Variants in VCL observed in about 807,000 individuals in gnomAD.
VCL encodes vinculin, also known as epididymis luminal protein 114.
A neutral mutation model predicts 125.7 loss-of-function variants in VCL; 47 were observed. The observed-to-expected ratio is 0.37, with a 90% CI of 0.30 to 0.48. VCL has a LOEUF of 0.48. VCL is among the 20% of genes least tolerant of loss of function. The pLI, the probability that VCL is intolerant of heterozygous loss-of-function variation, is 0.99. For missense variants in VCL, 1,069 were observed against 1,455.5 expected, an observed-to-expected ratio of 0.73 and a Z score of 4.32; for synonymous variants, 458 against 514.6, an observed-to-expected ratio of 0.89 and a Z score of 1.49.
intron 1 of VCL, among the ~76,000 whole-genome samples, chr10:74,004,047 A>G (rs1202158840): frequency 2.0e-5 from 3 of 152,194 alleles, no homozygotes; most frequent in East Asian, 3.8e-4. Context: ...GGAGATCAGC[A>G]GTTAATTTTG....
chr10:74,107,201 A>C, intron 16 of VCL, 29 bp from the exon 17 acceptor site: 1 of 1,614,072 alleles, frequency 6.2e-7, no homozygotes, highest in Non-Finnish European at 8.5e-7. Flanking sequence ...TGACCCACCC[A>C]GCTGAAAGTG....
chr10:74,045,565 G>A (rs950729639), intron 2 of VCL, among the ~76,000 whole-genome samples: 1 of 150,244 alleles, frequency 6.7e-6, no homozygotes, highest in African/African-American at 2.4e-5. Flanking sequence ...GGAGGTTGCA[G>A]TGAGCCAAGA....
rs370882481 is a variant in VCL, at chr10:74,008,956, G to A, written c.168+10581G>A. 5.3e-5 allele frequency among the ~76,000 whole-genome samples: 8 copies of A among 152,298 alleles called. No homozygotes were observed. The East Asian group carries it at 1.5e-3, about 29-fold the overall frequency. On this transcript the variant is annotated intron_variant, in intron 1 of 21. Transcript: ENST00000211998. ...CAAACTTCTGCCTTGGCATTTTTAA[G>A]CTTCAACAACTTTCAGTGCTATATA...
intron 1 of VCL, among the ~76,000 whole-genome samples, chr10:74,042,644 G>T (rs1178395176): frequency 1.3e-5 from 2 of 152,156 alleles, no homozygotes; most frequent in African/African-American, 4.8e-5. Flanking sequence ...TCTAGTGTCA[G>T]AATCATAATA....
At chr10:74,025,578 C>G (rs1037869091) in intron 1 of VCL, among the ~76,000 whole-genome samples, 1 of 148,336 alleles carries the variant, frequency 6.7e-6, no homozygotes, top group African/African-American at 2.5e-5. Flanking sequence ...TGCCCCACTG[C>G]AGTCCAGCCT....
intron 1 of VCL, among the ~76,000 whole-genome samples, chr10:74,000,246 C>A (rs941508912): frequency 4.7e-5 from 7 of 148,648 alleles, no homozygotes; most frequent in African/African-American, 1.7e-4. Context: ...CGGGTCAAGG[C>A]CTTTGTATTT....
intron 6 of VCL, chr10:74,076,510 A>T (rs529148181): frequency 5.2e-5 from 8 of 152,774 alleles, no homozygotes; most frequent in African/African-American, 1.9e-4. Flanking sequence ...GGAGACTTCC[A>T]GCTGATGCTA....
At chr10:74,098,917 T>C (rs1367112418) in intron 13 of VCL, among the ~76,000 whole-genome samples, 2 of 152,304 alleles carry the variant, frequency 1.3e-5, no homozygotes, top group East Asian at 3.9e-4. Flanking sequence ...GTCCTTCTGT[T>C]CTCTCTCAGA....
chr10:74,025,061 T>C (rs1840746593), intron 1 of VCL, among the ~76,000 whole-genome samples: 1 of 152,190 alleles, frequency 6.6e-6, no homozygotes, highest in Non-Finnish European at 1.5e-5. Flanking sequence ...AGTCTTGCTC[T>C]GTCACCCAGG....
At chr10:74,022,670 C>T (rs1840695278) in intron 1 of VCL, among the ~76,000 whole-genome samples, 1 of 146,700 alleles carries the variant, frequency 6.8e-6, no homozygotes, top group Non-Finnish European at 1.5e-5. Flanking sequence ...GAGTTTCGTT[C>T]TTGTTGCCCA....
At chr10:74,093,512 G>GA (rs1231332905) in intron 10 of VCL, among the ~76,000 whole-genome samples, 2 of 152,162 alleles carry the variant, frequency 1.3e-5, no homozygotes, top group African/African-American at 2.4e-5. Flanking sequence ...GGCTGGGTGT[G>GA]GTAGGTCATG....
chr10:74,034,608 C>T (rs1222721459), intron 1 of VCL, among the ~76,000 whole-genome samples: 1 of 152,234 alleles, frequency 6.6e-6, no homozygotes, highest in Non-Finnish European at 1.5e-5. Flanking sequence ...ACTTTTGTAT[C>T]CCCATCACAC....
chr10:74,014,035 T>C (rs1030225512), intron 1 of VCL, among the ~76,000 whole-genome samples: 3 of 152,216 alleles, frequency 2.0e-5, no homozygotes, highest in African/African-American at 4.8e-5. Flanking sequence ...ATCACAGTTT[T>C]AGGTGCTTGA....
intron 16 of VCL, among the ~76,000 whole-genome samples, chr10:74,106,808 G>C (rs1292793516): frequency 1.3e-5 from 2 of 152,246 alleles, no homozygotes; most frequent in African/African-American, 4.8e-5. Context: ...GCCAAGGACA[G>C]CAAAGGAGTA....
rs374185510 is a variant in VCL, at chr10:74,045,265, G to A, written c.239+2112G>A. On this transcript the variant is annotated intron_variant, in intron 2 of 21. Coordinates refer to ENST00000211998, the MANE Select transcript of VCL (RefSeq NM_014000.3). ...ATGAAAAACAGAGAGACAGAGAGAC[G>A]GATAGATAGATAGATAGATAGATAG... Among the ~76,000 whole-genome samples the A allele has an allele frequency of 1.4e-3, 206 of 147,236 alleles. 2 individuals are homozygous for A. Among genetic ancestry groups the A allele is most frequent in the African/African-American group, 4.9e-3 (195 of 39,618 alleles).
intron 2 of VCL, among the ~76,000 whole-genome samples, chr10:74,052,849 G>C (rs776604023): frequency 6.7e-6 from 1 of 149,280 alleles, no homozygotes; most frequent in East Asian, 2.0e-4. Flanking sequence ...ACTCTGTTGA[G>C]ATAGTCTATG....
chr10:74,006,593 T>G (rs1840327526), intron 1 of VCL, among the ~76,000 whole-genome samples: 1 of 152,216 alleles, frequency 6.6e-6, no homozygotes, highest in African/African-American at 2.4e-5. Context: ...AAATCTGAAA[T>G]CTGAAATGCT....
chr10:74,025,718 G>A (rs564226873), intron 1 of VCL, among the ~76,000 whole-genome samples: 1 of 149,856 alleles, frequency 6.7e-6, no homozygotes, highest in African/African-American at 2.5e-5. Flanking sequence ...GAGGGAGGGA[G>A]GGAGGAGGGA....
intron 1 of VCL, among the ~76,000 whole-genome samples, chr10:74,000,324 C>T (rs1181916508): frequency 2.1e-5 from 3 of 139,702 alleles, no homozygotes; most frequent in South Asian, 2.2e-4. Context: ...AGTGCAATGG[C>T]GTGATCATAG....
Sources: allele counts gnomAD v4.1 joint callset (sites outside exome capture counted in the v4.1 genomes callset), GRCh38; gene constraint gnomAD v4.1.1; transcripts MANE v1.5; gene names NCBI Gene and HGNC (gene_info 2026-07-23, HGNC 2026-07-21).